NCK2: variants seen among roughly 807,000 people sequenced by gnomAD.
NCK2 encodes cytoplasmic protein NCK2.
A neutral mutation model predicts 33.9 loss-of-function variants in NCK2; 16 were observed. The observed-to-expected ratio is 0.47, with a 90% CI of 0.32 to 0.72. The LOEUF (loss-of-function observed/expected upper bound fraction) is 0.72. NCK2 is among the 30% of genes least tolerant of loss of function. The probability of loss-of-function intolerance (pLI) is 0.03; values close to 1 mark genes in which losing one functional copy is unlikely to be tolerated. For synonymous variants in NCK2, 273 were observed against 239.9 expected (o/e 1.14, Z -1.27); for missense variants, 418 against 537.3 (o/e 0.78, Z 2.19).
chr2:105,804,624 T>C (rs1328697738), intron 1 of NCK2, among the ~76,000 whole-genome samples: 3 of 152,222 alleles, frequency 2.0e-5, no homozygotes, highest in African/African-American at 2.4e-5. Flanking sequence ...ATATATATGC[T>C]CCTGAGCTTT....
At chr2:105,769,174 A>G (rs62154121) in intron 1 of NCK2, among the ~76,000 whole-genome samples, 51,307 of 151,926 alleles carry the variant, frequency 0.34, 9,770 homozygotes, top group East Asian at 0.46. Context: ...CTCAGTAAAT[A>G]CCAAGGGCTT....
chr2:105,810,086 C>G (rs1335627527), intron 1 of NCK2, among the ~76,000 whole-genome samples: 2 of 152,182 alleles, frequency 1.3e-5, no homozygotes, highest in Non-Finnish European at 2.9e-5. Context: ...ACTCTTCATT[C>G]CTGGGCCTCA....
chr2:105,853,934 A>G (rs1259104530), intron 2 of NCK2: 1 of 152,250 alleles, frequency 6.6e-6, no homozygotes, highest in Non-Finnish European at 1.5e-5. Context: ...GAACCTGATC[A>G]GATGTTGAGA....
At chr2:105,868,809 A>G (rs1488805397) in intron 3 of NCK2, among the ~76,000 whole-genome samples, 2 of 152,332 alleles carry the variant, frequency 1.3e-5, no homozygotes, top group African/African-American at 4.8e-5. Context: ...GAAAGGCGAT[A>G]GCCTGGCTCA....
intron 1 of NCK2, among the ~76,000 whole-genome samples, chr2:105,770,579 T>A (rs1328472280): frequency 6.6e-6 from 1 of 152,240 alleles, no homozygotes; most frequent in Non-Finnish European, 1.5e-5. Context: ...TTTTAGAGTG[T>A]GTAGATATGC....
At chr2:105,854,855 G>A in intron 2 of NCK2, 193 bp from the exon 3 acceptor site, 1 of 528,952 alleles carries the variant, frequency 1.9e-6, no homozygotes, top group Non-Finnish European at 3.4e-6. Context: ...GTTTTATAAG[G>A]TTGCTGTTTC....
At chr2:105,785,870 G>A (rs1020256448) in intron 1 of NCK2, among the ~76,000 whole-genome samples, 3 of 152,112 alleles carry the variant, frequency 2.0e-5, no homozygotes, top group Non-Finnish European at 2.9e-5. Flanking sequence ...AAATAAATAC[G>A]ATATCTAGTA....
intron 3 of NCK2, among the ~76,000 whole-genome samples, chr2:105,875,912 A>G (rs1220439562): frequency 1.3e-5 from 2 of 152,230 alleles, no homozygotes; most frequent in Non-Finnish European, 2.9e-5. Flanking sequence ...TTTCAGTGTA[A>G]GAGTTAAAAT....
intron 1 of NCK2, among the ~76,000 whole-genome samples, chr2:105,763,560 A>G (rs151303688): frequency 2.4e-3 from 358 of 152,008 alleles, no homozygotes; most frequent in Non-Finnish European, 3.1e-3. Flanking sequence ...GAAATATTCA[A>G]TTTGTTAGTT....
intron 2 of NCK2, among the ~76,000 whole-genome samples, chr2:105,844,588 A>G (rs1489810194): frequency 1.3e-5 from 2 of 149,910 alleles, no homozygotes; most frequent in African/African-American, 2.5e-5. Flanking sequence ...AAAAAAAAAA[A>G]ACAGCTGGGC....
At chr2:105,802,951 G>C (rs1287064511) in intron 1 of NCK2, among the ~76,000 whole-genome samples, 1 of 152,158 alleles carries the variant, frequency 6.6e-6, no homozygotes, top group Non-Finnish European at 1.5e-5. Flanking sequence ...ACCAAGCACA[G>C]TGCTAGCAGG....
intron 2 of NCK2, among the ~76,000 whole-genome samples, chr2:105,831,302 A>C (rs556377785): frequency 1.6e-4 from 24 of 152,242 alleles, no homozygotes; most frequent in Non-Finnish European, 2.8e-4. Flanking sequence ...AGGAAACCGC[A>C]AAAGAACCCT....
At chr2:105,835,405 A>ATATATATATATATATATATATATATG (rs70953537) in intron 2 of NCK2, among the ~76,000 whole-genome samples, 1 of 37,982 alleles carries the variant, frequency 2.6e-5, no homozygotes, top group African/African-American at 6.6e-5. Context: ...ATATATATAT[A>ATATATATATATATATATATATATATG]CGTGTATATA....
At chr2:105,834,888 G>A (rs1406856480) in intron 2 of NCK2, among the ~76,000 whole-genome samples, 3 of 151,896 alleles carry the variant, frequency 2.0e-5, no homozygotes, top group Non-Finnish European at 4.4e-5. Flanking sequence ...GTATTGCCCA[G>A]GCTGGTCTTG....
chr2:105,823,317 C>T (rs1343170537), intron 2 of NCK2, among the ~76,000 whole-genome samples: 4 of 151,872 alleles, frequency 2.6e-5, no homozygotes, highest in Non-Finnish European at 5.9e-5. Flanking sequence ...GCAGAAGTGT[C>T]ATTCAAGTTG....
chr2:105,840,893 G>A (rs7573751), intron 2 of NCK2, among the ~76,000 whole-genome samples: 45,230 of 152,110 alleles, frequency 0.3, 8,387 homozygotes, highest in African/African-American at 0.51. Flanking sequence ...AGGTCCCCAC[G>A]GAAAGGTAAA....
At chr2:105,820,912 G>T (rs1199296076) in intron 2 of NCK2, among the ~76,000 whole-genome samples, 1 of 152,190 alleles carries the variant, frequency 6.6e-6, no homozygotes, top group Non-Finnish European at 1.5e-5. Context: ...CACAAACCGA[G>T]TCAGTTGGTG....
chr2:105,822,417 G>A (rs917198758), intron 2 of NCK2, among the ~76,000 whole-genome samples: 1 of 151,932 alleles, frequency 6.6e-6, no homozygotes, highest in Non-Finnish European at 1.5e-5. Context: ...CTCTGTACAG[G>A]CCAGGGGACT....
chr2:105,808,476 TCTCAGTGCCAAGCACATA>T (rs1159011742), intron 1 of NCK2, among the ~76,000 whole-genome samples: 14 of 152,268 alleles, frequency 9.2e-5, no homozygotes, highest in African/African-American at 3.4e-4. Context: ...ATCGGGTGGT[TCTCAGTGCCAAGCACATA>T]GTCAGTGCTG....
Sources: allele counts gnomAD v4.1 joint callset (sites outside exome capture counted in the v4.1 genomes callset), GRCh38; gene constraint gnomAD v4.1.1; transcripts MANE v1.5; gene names NCBI Gene and HGNC (gene_info 2026-07-23, HGNC 2026-07-21).